The following ARMH3 variants were observed in gnomAD, a reference collection of about 807,000 sequenced individuals.
ARMH3 encodes armadillo like helical domain containing 3.
In ARMH3, 60 loss-of-function variants were observed where a neutral mutation model predicts 99.1. The ratio of observed to expected loss-of-function variants is 0.61; its 90% CI spans 0.49 to 0.75. ARMH3 has a LOEUF of 0.75. Among genes scored for constraint, ARMH3 ranks in the 30% least tolerant of loss-of-function variants. The pLI, the probability that ARMH3 is intolerant of heterozygous loss-of-function variation, is 0.00. For synonymous variants in ARMH3, 285 were observed against 292.8 expected (o/e 0.97, Z 0.27); for missense variants, 679 against 843.1 (o/e 0.81, Z 2.41).
At chr10:101,993,702 T>A in intron 16 of ARMH3, 99 bp from the exon 17 acceptor site, 1 of 772,446 alleles carries the variant, frequency 1.3e-6, no homozygotes. Flanking sequence ...GAGAACTACT[T>A]TCAAGGATCA....
intron 24 of ARMH3, among the ~76,000 whole-genome samples, chr10:101,887,773 A>G (rs934578237): frequency 1.3e-5 from 2 of 151,832 alleles, no homozygotes; most frequent in Non-Finnish European, 2.9e-5. Flanking sequence ...CAATCTTGCT[A>G]TCCTTTCCCC....
chr10:101,993,519 A>C lies in ARMH3; in HGVS notation c.1275+19T>G. On this transcript the variant is annotated intron_variant, in intron 17 of 25. Coordinates refer to ENST00000370033, the MANE Select transcript of ARMH3 (RefSeq NM_024541.3). ...AAAATTTCCTCTAAGAAAAAACAAG[A>C]AGCAAAAGAAACACCTACCATTCTA... The C allele has an allele frequency of 1.9e-6, 3 of 1,565,942 alleles. No homozygotes were observed. Among genetic ancestry groups the C allele is most frequent in the South Asian group, 2.4e-5 (2 of 83,776 alleles).
intron 24 of ARMH3, among the ~76,000 whole-genome samples, chr10:101,868,115 A>G (rs2067047453): frequency 6.6e-6 from 1 of 152,232 alleles, no homozygotes; most frequent in Admixed American, 6.5e-5. Context: ...AGGAAATTAC[A>G]AAAGAGGTTG....
chr10:102,053,618 G>T lies in ARMH3; in HGVS notation c.-12+2467C>A, dbSNP rs1053410445. On this transcript the variant is annotated intron_variant, in intron 1 of 25. Coordinates refer to ENST00000370033, the MANE Select transcript of ARMH3 (RefSeq NM_024541.3). ...ATCTCCCCCCTGCAAAGATTTCCCT[G>T]ACTCTCCCAAGCAATGGCAGTATTC... 7.9e-5 allele frequency among the ~76,000 whole-genome samples: 12 copies of T among 151,620 alleles called. No homozygotes were observed. The South Asian group carries it at 2.5e-3, about 32-fold the overall frequency.
chr10:101,925,424 G>T (rs1006576076), intron 23 of ARMH3, among the ~76,000 whole-genome samples: 9 of 152,178 alleles, frequency 5.9e-5, no homozygotes, highest in Admixed American at 5.9e-4. Context: ...CAGAGATTTT[G>T]AAACCATAGC....
chr10:101,874,069 T>C (rs1319845452), intron 24 of ARMH3, among the ~76,000 whole-genome samples: 1 of 152,188 alleles, frequency 6.6e-6, no homozygotes, highest in Admixed American at 6.5e-5. Context: ...CATTAGTTTA[T>C]TTATATAAAA....
At chr10:101,863,095 C>T (rs772013482) in intron 24 of ARMH3, among the ~76,000 whole-genome samples, 1 of 151,808 alleles carries the variant, frequency 6.6e-6, no homozygotes, top group Non-Finnish European at 1.5e-5. Context: ...CCCAGCTACT[C>T]GGGAGGCTGA....
rs779373351 is a variant in ARMH3 at position 101,975,197 on chromosome 10, AAG to A, written c.1495+13_1495+14del. ...GGTATAGAAAAAGGAAGATGAATTC[AAG>A]AGAGAAAGTTACCTGACCAGAGCTC... On this transcript the variant is annotated intron_variant, in intron 20 of 25. Transcript: ENST00000370033. 6.2e-7 allele frequency: 1 copy of A among 1,608,334 alleles called. No individual in the cohort carries two copies. The highest frequency in any genetic ancestry group is 8.5e-7 in the Non-Finnish European group (1 of 1,175,826).
intron 20 of ARMH3, among the ~76,000 whole-genome samples, chr10:101,973,501 G>A (rs1053855446): frequency 6.6e-6 from 1 of 152,118 alleles, no homozygotes; most frequent in Non-Finnish European, 1.5e-5. Flanking sequence ...CAATAAAAGT[G>A]TCGATTCATC....
At chr10:101,958,404 G>A (rs1163930031) in intron 20 of ARMH3, among the ~76,000 whole-genome samples, 3 of 152,344 alleles carry the variant, frequency 2.0e-5, no homozygotes, top group Non-Finnish European at 4.4e-5. Context: ...CCTCAATAAA[G>A]AGACTGACTG....
Position 101,935,174 on chromosome 10 carries a change from A to AATATATATATATATATATATATATATAT in ARMH3, c.1781+4688_1781+4689insATATATATATATATATATATATATATAT, listed in dbSNP as rs5787448. ...AGAAGCGGAATCTCAAAGGTGGAGC[A>AATATATATATATATATATATATATATAT]ATATATATATATATATATATATATA... On this transcript the variant is annotated intron_variant, in intron 23 of 25. Coordinates refer to ENST00000370033, the MANE Select transcript of ARMH3 (RefSeq NM_024541.3). Among the ~76,000 whole-genome samples the AATATATATATATATATATATATATATAT allele has an allele frequency of 2.2e-3, 262 of 116,958 alleles. 3 individuals are homozygous for AATATATATATATATATATATATATATAT. The highest frequency in any genetic ancestry group is 2.9e-3 in the Non-Finnish European group (167 of 56,770). The allele number at this position is 116,958 out of a possible 152,430, so 76.7% of individuals were successfully genotyped here.
In ARMH3 at chr10:102,041,900, G is replaced by A. The variant is rs376205929; in HGVS notation, c.-11-1775C>T. On this transcript the variant is annotated intron_variant, in intron 1 of 25. Coordinates refer to ENST00000370033, the MANE Select transcript of ARMH3 (RefSeq NM_024541.3). ...CCTGACCTCATGATCCGCCTGCCTC[G>A]GCCTCCCAAAGTGCTGGGATTACAG... Among the ~76,000 whole-genome samples, 31 of 152,036 alleles carry A rather than the reference G, an allele frequency of 2.0e-4. No homozygotes were observed. The East Asian group carries it at 4.1e-3, about 20-fold the overall frequency.
At chr10:102,009,798 A>G (rs1189798515) in intron 12 of ARMH3, among the ~76,000 whole-genome samples, 179 bp downstream of exon 12, 1 of 152,208 alleles carries the variant, frequency 6.6e-6, no homozygotes, top group African/African-American at 2.4e-5. Context: ...CTCAATACAT[A>G]TGAAAAGCAG....
intron 8 of ARMH3, among the ~76,000 whole-genome samples, chr10:102,020,072 T>G (rs1251467474): frequency 6.7e-6 from 1 of 149,652 alleles, no homozygotes; most frequent in Non-Finnish European, 1.5e-5. Flanking sequence ...CATCACAAAA[T>G]ATAGTACAAT....
chr10:101,964,050 G>C (rs1018370621), intron 20 of ARMH3, among the ~76,000 whole-genome samples: 2 of 151,872 alleles, frequency 1.3e-5, no homozygotes, highest in African/African-American at 4.8e-5. Flanking sequence ...CTAATTTTTT[G>C]TATTTTTAAT....
intron 23 of ARMH3, among the ~76,000 whole-genome samples, chr10:101,906,448 A>T (rs1842640433): frequency 6.6e-6 from 1 of 152,238 alleles, no homozygotes; most frequent in African/African-American, 2.4e-5. Flanking sequence ...TATAAGAAAA[A>T]GTCTGAAGGC....
chr10:101,982,333 C>G (rs755283959), intron 19 of ARMH3, among the ~76,000 whole-genome samples: 1 of 152,052 alleles, frequency 6.6e-6, no homozygotes, highest in Non-Finnish European at 1.5e-5. Flanking sequence ...TTACAGTGAG[C>G]TGAGATTGCG....
intron 23 of ARMH3, among the ~76,000 whole-genome samples, chr10:101,925,843 G>A (rs1466085527): frequency 3.3e-5 from 5 of 152,144 alleles, no homozygotes; most frequent in South Asian, 2.1e-4. Context: ...CTCAGGAGGC[G>A]GAGGTTGCAG....
intron 22 of ARMH3, among the ~76,000 whole-genome samples, chr10:101,943,525 T>A (rs1844336087): frequency 6.6e-6 from 1 of 152,058 alleles, no homozygotes; most frequent in Non-Finnish European, 1.5e-5. Context: ...CCACATAACA[T>A]AATCAAATTC....
Sources: allele counts gnomAD v4.1 joint callset (sites outside exome capture counted in the v4.1 genomes callset), GRCh38; gene constraint gnomAD v4.1.1; transcripts MANE v1.5; gene names NCBI Gene and HGNC (gene_info 2026-07-23, HGNC 2026-07-21).